FOXP1: variants seen among roughly 807,000 people sequenced by gnomAD.
The protein encoded by FOXP1 is forkhead box P1.
FOXP1 carries 15 observed loss-of-function variants against 98.2 expected under a neutral mutation model. That is an observed-to-expected ratio of 0.15 (90% CI 0.10 to 0.24). FOXP1 has a LOEUF of 0.24. FOXP1 is among the 10% of genes least tolerant of loss of function. FOXP1 has a pLI of 1.00. For missense variants in FOXP1, 633 were observed against 848.5 expected, an observed-to-expected ratio of 0.75 and a Z score of 3.15; for synonymous variants, 371 against 314.5, an observed-to-expected ratio of 1.18 and a Z score of -1.90.
intron 4 of FOXP1, among the ~76,000 whole-genome samples, chr3:71,320,857 G>A (rs1187398145): frequency 1.3e-5 from 2 of 152,094 alleles, no homozygotes; most frequent in African/African-American, 4.8e-5. Context: ...AGTCTGCATA[G>A]TATTTGTTCA....
intron 6 of FOXP1, among the ~76,000 whole-genome samples, chr3:71,150,345 A>G (rs1300193637): frequency 6.6e-6 from 1 of 152,188 alleles, no homozygotes; most frequent in African/African-American, 2.4e-5. Flanking sequence ...ACTGGAATAA[A>G]TTCTCCTTCT....
intron 3 of FOXP1, among the ~76,000 whole-genome samples, chr3:71,493,020 G>C (rs1447855488): frequency 6.6e-6 from 1 of 151,938 alleles, no homozygotes; most frequent in Admixed American, 6.6e-5. Context: ...GTTTGGGATA[G>C]GACTCTCTCA....
intron 6 of FOXP1, among the ~76,000 whole-genome samples, chr3:71,165,757 G>T (rs921103273): frequency 6.6e-6 from 1 of 152,140 alleles, no homozygotes; most frequent in South Asian, 2.1e-4. Flanking sequence ...AGAGGCATCC[G>T]AGACAACCAG....
intron 6 of FOXP1, among the ~76,000 whole-genome samples, chr3:71,193,559 C>T (rs2063127643): frequency 6.6e-6 from 1 of 151,914 alleles, no homozygotes; most frequent in Non-Finnish European, 1.5e-5. Flanking sequence ...AGTGATTCTC[C>T]TGCCTCAGCC....
chr3:71,375,330 C>T (rs930136053), intron 3 of FOXP1, among the ~76,000 whole-genome samples: 3 of 152,186 alleles, frequency 2.0e-5, no homozygotes, highest in African/African-American at 2.4e-5. Context: ...TCAGAGAAGA[C>T]ACAACAAATT....
chr3:71,347,635 C>T (rs1350292256), intron 4 of FOXP1, among the ~76,000 whole-genome samples: 1 of 152,062 alleles, frequency 6.6e-6, no homozygotes, highest in Non-Finnish European at 1.5e-5. Context: ...CCTGTAATCC[C>T]AGCACTTTGG....
At chr3:70,973,991 G>T (rs1342653608) in intron 17 of FOXP1, among the ~76,000 whole-genome samples, 1 of 151,968 alleles carries the variant, frequency 6.6e-6, no homozygotes, top group African/African-American at 2.4e-5. Flanking sequence ...GCTACATAAT[G>T]ATTTTTCTTT....
At chr3:71,052,993 G>A (rs2050117098) in intron 8 of FOXP1, among the ~76,000 whole-genome samples, 1 of 152,154 alleles carries the variant, frequency 6.6e-6, no homozygotes, top group African/African-American at 2.4e-5. Flanking sequence ...GTTATTCAGT[G>A]TGTGCATGGA....
At chr3:70,960,409 G>A (rs999028997) in intron 20 of FOXP1, among the ~76,000 whole-genome samples, 5 of 152,124 alleles carry the variant, frequency 3.3e-5, no homozygotes, top group East Asian at 1.9e-4. Flanking sequence ...ATGGACCAGC[G>A]CATGGTTCAC....
chr3:71,353,408 T>C (rs1340483239), intron 4 of FOXP1, among the ~76,000 whole-genome samples: 6 of 152,210 alleles, frequency 3.9e-5, no homozygotes, highest in African/African-American at 1.2e-4. Context: ...AGGGGTGTTA[T>C]ATATTTTTAG....
At chr3:71,472,574 C>G (rs958204534) in intron 3 of FOXP1, among the ~76,000 whole-genome samples, 1 of 152,056 alleles carries the variant, frequency 6.6e-6, no homozygotes, top group African/African-American at 2.4e-5. Flanking sequence ...AAGACCTCTT[C>G]TTATTCTGCC....
At chr3:71,163,555 C>T (rs1485325953) in intron 6 of FOXP1, among the ~76,000 whole-genome samples, 2 of 152,164 alleles carry the variant, frequency 1.3e-5, no homozygotes, top group Non-Finnish European at 2.9e-5. Context: ...CCAATCTCTG[C>T]AGCATTATCA....
chr3:71,479,188 G>C (rs2090085685), intron 3 of FOXP1, among the ~76,000 whole-genome samples: 1 of 151,992 alleles, frequency 6.6e-6, no homozygotes, highest in South Asian at 2.1e-4. Context: ...CTCTGGGACT[G>C]GGGAGTTACC....
chr3:71,525,237 A>G (rs2043285225), intron 2 of FOXP1, among the ~76,000 whole-genome samples: 1 of 152,242 alleles, frequency 6.6e-6, no homozygotes, highest in South Asian at 2.1e-4. Context: ...ACTAGGGTGG[A>G]TAAAAAAATT....
At chr3:71,443,388 T>C (rs1246265878) in intron 3 of FOXP1, among the ~76,000 whole-genome samples, 1 of 152,218 alleles carries the variant, frequency 6.6e-6, no homozygotes, top group African/African-American at 2.4e-5. Flanking sequence ...TATACAATAC[T>C]TTATTGTTAA....
At chr3:71,563,829 C>G (rs2046716144) in intron 2 of FOXP1, among the ~76,000 whole-genome samples, 1 of 152,218 alleles carries the variant, frequency 6.6e-6, no homozygotes, top group Non-Finnish European at 1.5e-5. Flanking sequence ...GTGTTTTCAA[C>G]ACTGTCTCAA....
At position 71,047,072 on chromosome 3, in the gene FOXP1, C is replaced by T. The variant is rs2106976550; in HGVS notation, c.534G>A (p.Gln178=). Residue 178 remains glutamine (Q), a synonymous_variant, in exon 10 of 21, where the codon CAG becomes CAA. Transcript: ENST00000649528. ...GTAAAAGCTGCTGCTGAAAAGCCAACTGCTGGGTAGCCACCTGCTGTTGCT... is the reference window on the plus strand; with the variant it reads ...GTAAAAGCTGCTGCTGAAAAGCCAATTGCTGGGTAGCCACCTGCTGTTGCT... The part of the protein sequence containing the change: ...PKEQQQVATQ[Q]LAFQQQLLQM... 6.2e-7 allele frequency: 1 copy of T among 1,614,082 alleles called. No individual in the cohort carries two copies. Among genetic ancestry groups the T allele is most frequent in the Admixed American group, 1.7e-5 (1 of 60,012 alleles).
At chr3:71,085,020 T>C (rs903496090) in intron 7 of FOXP1, among the ~76,000 whole-genome samples, 1 of 152,222 alleles carries the variant, frequency 6.6e-6, no homozygotes, top group African/African-American at 2.4e-5. Context: ...CATAAAATAG[T>C]CATTCCTTGT....
At chr3:70,993,981 C>G (rs1010112704) in intron 13 of FOXP1, among the ~76,000 whole-genome samples, 3 of 142,128 alleles carry the variant, frequency 2.1e-5, no homozygotes, top group Non-Finnish European at 3.0e-5. Flanking sequence ...GGCAACAGAG[C>G]AAAACTCCGT....
Sources: gnomAD v4.1 joint callset for allele counts (sites outside exome capture counted in the v4.1 genomes callset) on GRCh38, gnomAD v4.1.1 for gene constraint, MANE v1.5 for transcripts, NCBI Gene and HGNC (gene_info 2026-07-23, HGNC 2026-07-21) for gene names.